PDE10A: variants seen among roughly 807,000 people sequenced by gnomAD.
PDE10A encodes the protein cAMP and cAMP-inhibited cGMP 3',5'-cyclic phosphodiesterase 10A.
Under a neutral mutation model 97.7 loss-of-function variants are expected in PDE10A, and 39 were observed. That is an observed-to-expected ratio of 0.40 (90% confidence interval 0.31 to 0.52). PDE10A has a LOEUF of 0.52. Ranked by LOEUF, PDE10A falls within the 20% of genes least tolerant of loss-of-function variation. PDE10A has a pLI of 0.56. For missense variants in PDE10A, 731 were observed against 1,047.8 expected (o/e 0.70, Z 4.17); for synonymous variants, 371 against 376.8 (o/e 0.98, Z 0.18).
intron 10 of PDE10A, among the ~76,000 whole-genome samples, chr6:165,421,552 G>A (rs1788693384): frequency 6.6e-6 from 1 of 152,094 alleles, no homozygotes; most frequent in Non-Finnish European, 1.5e-5. Flanking sequence ...CAAAACAACA[G>A]TCCATATTAT....
At chr6:165,696,049 C>CAAAGCTATGCCTCTCAAGCAGA (rs1464502319) in intron 1 of PDE10A, among the ~76,000 whole-genome samples, 1 of 152,048 alleles carries the variant, frequency 6.6e-6, no homozygotes, top group Non-Finnish European at 1.5e-5. Context: ...TGGCCACACC[C>CAAAGCTATGCCTCTCAAGCAGA]AAAGCTATGC....
chr6:165,719,637 G>GGT (rs34403706), intron 1 of PDE10A, among the ~76,000 whole-genome samples: 72,187 of 151,816 alleles, frequency 0.48, 17,843 homozygotes, highest in Non-Finnish European at 0.55. Context: ...GTGTGCAACA[G>GGT]GTGTAACCCA....
At chr6:165,854,798 G>A (rs542120632) in intron 1 of PDE10A, among the ~76,000 whole-genome samples, 3 of 152,166 alleles carry the variant, frequency 2.0e-5, no homozygotes, top group Middle Eastern at 3.2e-3. Flanking sequence ...AGCGCAGGGC[G>A]CGCCAGGCAG....
intron 1 of PDE10A, among the ~76,000 whole-genome samples, chr6:165,707,162 G>T (rs1791730944): frequency 6.6e-6 from 1 of 152,236 alleles, no homozygotes; most frequent in African/African-American, 2.4e-5. Flanking sequence ...CTGGAATGGT[G>T]CTAACAGTGA....
chr6:165,506,932 T>C (rs1227735815), intron 2 of PDE10A, among the ~76,000 whole-genome samples: 2 of 152,180 alleles, frequency 1.3e-5, no homozygotes, highest in African/African-American at 4.8e-5. Flanking sequence ...TCTCTGTTTT[T>C]CTTCTAATCA....
At chr6:165,972,815 T>C (rs1176916738) in intron 1 of PDE10A, among the ~76,000 whole-genome samples, 8 of 152,334 alleles carry the variant, frequency 5.3e-5, no homozygotes, top group African/African-American at 1.9e-4. Flanking sequence ...CCAAGATACC[T>C]GTAAAATATG....
rs1253254812 is a variant in PDE10A at position 165,418,555 on chromosome 6, TG to T, written c.1796+79del. The T allele has an allele frequency of 1.6e-5, 21 of 1,328,794 alleles. No homozygotes were observed. The East Asian group carries it at 4.6e-4, about 29-fold the overall frequency. 82.3% of individuals were successfully genotyped at this position (1,328,794 alleles called of 1,614,324 possible). On this transcript the variant is annotated intron_variant, in intron 11 of 21. Transcript: ENST00000539869. This position sits in a 1 kb window ranked among gnomAD's most constrained non-coding sequence, Gnocchi z 4.8. ...ATGACAAGTATTGTCAGCATACCTGTGAATAGGCACAGAAAAATGGGTAACG... is the reference window on the plus strand; with the variant it reads ...ATGACAAGTATTGTCAGCATACCTGTAATAGGCACAGAAAAATGGGTAACG...
chr6:165,585,049 C>T (rs1263505789), intron 1 of PDE10A, among the ~76,000 whole-genome samples: 1 of 152,186 alleles, frequency 6.6e-6, no homozygotes, highest in African/African-American at 2.4e-5. Context: ...CTGCTCTTAT[C>T]CCTTATCATC....
At chr6:165,853,532 G>A (rs1281045013) in intron 1 of PDE10A, among the ~76,000 whole-genome samples, 1 of 152,064 alleles carries the variant, frequency 6.6e-6, no homozygotes, top group Non-Finnish European at 1.5e-5. Context: ...ATATTATTTT[G>A]TATATTATAG....
At chr6:165,627,413 C>G (rs1003401984) in intron 1 of PDE10A, among the ~76,000 whole-genome samples, 2 of 152,212 alleles carry the variant, frequency 1.3e-5, no homozygotes, top group African/African-American at 2.4e-5. Flanking sequence ...ATGATTAATT[C>G]TTAGAAAGCA....
At chr6:165,823,819 C>T (rs1206059423) in intron 1 of PDE10A, among the ~76,000 whole-genome samples, 1 of 151,924 alleles carries the variant, frequency 6.6e-6, no homozygotes, top group Non-Finnish European at 1.5e-5. Context: ...TTTCCAGCTC[C>T]ATAATCATCT....
chr6:165,482,317 T>G lies in PDE10A; in HGVS notation c.1021A>C (p.Arg341=). 1 of 1,595,930 alleles carries G rather than the reference T, an allele frequency of 6.3e-7. No individual in the cohort carries two copies. The change falls in exon 3 of 22, where the codon AGG becomes CGG. Residue 341 remains arginine, a splice_region_variant and synonymous_variant. Coordinates refer to ENST00000539869, the MANE Select transcript of PDE10A (RefSeq NM_001385079.1). ...GAAATAATATTCACATCACTTACCC[T>G]GCTGACTTCCTTAGGAGCTGATTCA... ...EDESAPKEVS[R]YQDTNMQGVV...
chr6:165,772,671 T>A (rs186734077), intron 1 of PDE10A, among the ~76,000 whole-genome samples: 39 of 152,356 alleles, frequency 2.6e-4, no homozygotes, highest in African/African-American at 5.8e-4. Flanking sequence ...TAATTAGTAC[T>A]TTATTTTCCA....
At chr6:165,610,140 G>A (rs1787420482) in intron 1 of PDE10A, among the ~76,000 whole-genome samples, 1 of 152,172 alleles carries the variant, frequency 6.6e-6, no homozygotes. Flanking sequence ...AAAACAGCAT[G>A]GTACTGGTAC....
chr6:165,626,901 T>C (rs1788414319), intron 1 of PDE10A, among the ~76,000 whole-genome samples: 2 of 152,342 alleles, frequency 1.3e-5, no homozygotes, highest in East Asian at 3.9e-4. Context: ...TAAGGATTTA[T>C]GACACGGGCT....
rs549750348 is a variant in PDE10A at position 165,547,524 on chromosome 6, C to T, written c.866-3956G>A. On this transcript the variant is annotated intron_variant, in intron 1 of 21. Coordinates refer to ENST00000539869, the MANE Select transcript of PDE10A (RefSeq NM_001385079.1). ...GATTTAACACTGGTACCTGAAGATA[C>T]ACAACAAAAGGCATAATAAAGACTG... Among the ~76,000 whole-genome samples the T allele has an allele frequency of 5.9e-5, 9 of 152,228 alleles. No individual in the cohort carries two copies. The South Asian group carries it at 1.9e-3, about 32-fold the overall frequency.
intron 1 of PDE10A, among the ~76,000 whole-genome samples, chr6:165,913,137 A>G (rs868608109): frequency 2.0e-5 from 3 of 152,202 alleles, no homozygotes; most frequent in Non-Finnish European, 4.4e-5. Context: ...TGAAACATAA[A>G]TAAGTGTTGT....
At chr6:165,403,207 T>TG (rs1367286294) in intron 13 of PDE10A, among the ~76,000 whole-genome samples, 1 of 152,200 alleles carries the variant, frequency 6.6e-6, no homozygotes, top group Non-Finnish European at 1.5e-5. Context: ...TTATCTTAGA[T>TG]GGGTATCAGC....
intron 1 of PDE10A, among the ~76,000 whole-genome samples, chr6:165,821,695 T>C (rs189617400): frequency 2.0e-5 from 3 of 151,866 alleles, no homozygotes; most frequent in African/African-American, 7.2e-5. Flanking sequence ...TGTTTTGTGG[T>C]TTTTGTTTGT....
Sources: gnomAD v4.1 joint callset for allele counts (sites outside exome capture counted in the v4.1 genomes callset) on GRCh38, gnomAD v4.1.1 for gene constraint, Gnocchi (gnomAD v3.1) non-coding constraint, MANE v1.5 for transcripts, NCBI Gene and HGNC (gene_info 2026-07-23, HGNC 2026-07-21) for gene names.